TMCC1: variants seen among roughly 807,000 people sequenced by gnomAD.
TMCC1 encodes transmembrane and coiled-coil domain family 1.
In TMCC1, 15 loss-of-function variants were observed where a neutral mutation model predicts 52.4. The observed-to-expected ratio is 0.29, with a 90% CI of 0.19 to 0.44. The LOEUF (loss-of-function observed/expected upper bound fraction) is 0.44. TMCC1 is among the 20% of genes least tolerant of loss of function. The probability of loss-of-function intolerance (pLI) is 1.00; values close to 1 mark genes in which losing one functional copy is unlikely to be tolerated. For synonymous variants in TMCC1, 279 were observed against 301.9 expected, an observed-to-expected ratio of 0.92 and a Z score of 0.79; for missense variants, 503 against 806.0, an observed-to-expected ratio of 0.62 and a Z score of 4.55.
Position 129,786,547 on chromosome 3 carries a change from A to G in TMCC1, c.576+41256T>C, listed in dbSNP as rs887714272. Among the ~76,000 whole-genome samples, 5 of 152,114 alleles carry G rather than the reference A, an allele frequency of 3.3e-5. No homozygotes were observed. In the East Asian group the frequency reaches 7.7e-4, roughly 23 times the overall value. On this transcript the variant is annotated intron_variant, in intron 4 of 6. Coordinates refer to ENST00000393238, the MANE Select transcript of TMCC1 (RefSeq NM_001017395.5). ...ATCCTCTAGGTCCAGCTAAAATCCT[A>G]TTTCCTCTGTGGGACTTTTCAAGTC...
At chr3:129,750,070 T>C (rs545607841) in intron 4 of TMCC1, among the ~76,000 whole-genome samples, 4 of 152,354 alleles carry the variant, frequency 2.6e-5, no homozygotes, top group African/African-American at 9.6e-5. Flanking sequence ...TTCCAAATTA[T>C]AGTTTCATTC....
intron 4 of TMCC1, among the ~76,000 whole-genome samples, chr3:129,755,306 C>A (rs937869952): frequency 1.3e-5 from 2 of 151,692 alleles, no homozygotes; most frequent in Non-Finnish European, 2.9e-5. Flanking sequence ...ATGCAATATA[C>A]CCAAGTAATA....
chr3:129,774,018 T>C (rs1253675094), intron 4 of TMCC1, among the ~76,000 whole-genome samples: 3 of 152,240 alleles, frequency 2.0e-5, no homozygotes, highest in African/African-American at 7.2e-5. Flanking sequence ...TTAACTGTTT[T>C]CAGTTGTCAT....
At chr3:129,700,245 A>C (rs929952337) in intron 4 of TMCC1, among the ~76,000 whole-genome samples, 1 of 152,160 alleles carries the variant, frequency 6.6e-6, no homozygotes, top group Admixed American at 6.5e-5. Flanking sequence ...TAAAAAAAAA[A>C]TCTAATGTAT....
At chr3:129,871,879 G>A (rs913210493) in intron 2 of TMCC1, among the ~76,000 whole-genome samples, 4 of 152,180 alleles carry the variant, frequency 2.6e-5, no homozygotes, top group Non-Finnish European at 4.4e-5. Flanking sequence ...ATGCATGAGA[G>A]CAATGCAAAT....
At chr3:129,665,126 T>C (rs1208121854) in intron 5 of TMCC1, among the ~76,000 whole-genome samples, 1 of 152,214 alleles carries the variant, frequency 6.6e-6, no homozygotes, top group Non-Finnish European at 1.5e-5. Flanking sequence ...ATCTCACTCA[T>C]AGCTGAATGC....
At chr3:129,877,602 T>G (rs2107983859) in intron 2 of TMCC1, among the ~76,000 whole-genome samples, 1 of 151,870 alleles carries the variant, frequency 6.6e-6, no homozygotes, top group South Asian at 2.1e-4. Context: ...TAAACCCAAC[T>G]GTTTACTCAA....
chr3:129,876,062 G>A (rs2061192121), intron 2 of TMCC1, among the ~76,000 whole-genome samples: 1 of 149,348 alleles, frequency 6.7e-6, no homozygotes, highest in Non-Finnish European at 1.5e-5. Context: ...TTGAACCTGG[G>A]AGACGGGGTT....
In TMCC1 at chr3:129,787,302, G is replaced by A. The variant is rs915755856; in HGVS notation, c.576+40501C>T. ...CTATGAAATTTTTTTTATTATACAT[G>A]CTACCTTTGGGTTTAAGATGGATTC... On this transcript the variant is annotated intron_variant, in intron 4 of 6. Coordinates refer to ENST00000393238, the MANE Select transcript of TMCC1 (RefSeq NM_001017395.5). Among the ~76,000 whole-genome samples the A allele has an allele frequency of 9.2e-5, 14 of 152,170 alleles. 1 individual carries two copies. The highest frequency in any genetic ancestry group is 2.9e-5 in the Non-Finnish European group (2 of 67,992).
At chr3:129,770,364 A>C (rs2054460100) in intron 4 of TMCC1, among the ~76,000 whole-genome samples, 1 of 152,136 alleles carries the variant, frequency 6.6e-6, no homozygotes, top group Non-Finnish European at 1.5e-5. Flanking sequence ...AAAAATACAA[A>C]AATTAGCTGG....
intron 2 of TMCC1, among the ~76,000 whole-genome samples, chr3:129,854,118 G>T (rs1233812941): frequency 6.6e-6 from 1 of 152,050 alleles, no homozygotes; most frequent in Non-Finnish European, 1.5e-5. Context: ...AAGCACATCT[G>T]CTGGGTGTGG....
chr3:129,813,546 A>C (rs916491044), intron 4 of TMCC1, among the ~76,000 whole-genome samples: 7 of 152,198 alleles, frequency 4.6e-5, no homozygotes, highest in African/African-American at 1.4e-4. Flanking sequence ...TAACACAGGA[A>C]CAGAAAACCA....
chr3:129,679,096 T>C (rs1275497404), intron 4 of TMCC1, among the ~76,000 whole-genome samples: 1 of 152,166 alleles, frequency 6.6e-6, no homozygotes, highest in Non-Finnish European at 1.5e-5. Context: ...TAGTCATCCC[T>C]TTACTCCACT....
chr3:129,796,001 A>C (rs1173471170), intron 4 of TMCC1, among the ~76,000 whole-genome samples: 1 of 152,230 alleles, frequency 6.6e-6, no homozygotes, highest in Non-Finnish European at 1.5e-5. Flanking sequence ...TACTATGCCT[A>C]ATTTCTGAAT....
At chr3:129,737,236 G>A (rs1490043011) in intron 4 of TMCC1, among the ~76,000 whole-genome samples, 1 of 151,996 alleles carries the variant, frequency 6.6e-6, no homozygotes, top group Non-Finnish European at 1.5e-5. Flanking sequence ...GGAGGCTGAG[G>A]TGGGCGAATC....
chr3:129,875,698 T>A (rs1348024264), intron 2 of TMCC1, among the ~76,000 whole-genome samples: 2 of 152,134 alleles, frequency 1.3e-5, no homozygotes, highest in African/African-American at 4.8e-5. Context: ...AATACATATT[T>A]TTTTTAATAA....
chr3:129,838,495 C>A (rs556299621), intron 2 of TMCC1, among the ~76,000 whole-genome samples: 4 of 152,096 alleles, frequency 2.6e-5, no homozygotes, highest in African/African-American at 9.6e-5. Context: ...GTGGCTCATG[C>A]CTGTAATCCA....
chr3:129,709,440 T>C (rs937554874), intron 4 of TMCC1, among the ~76,000 whole-genome samples: 2 of 126,786 alleles, frequency 1.6e-5, no homozygotes, highest in African/African-American at 6.2e-5. Flanking sequence ...TGTGCCACTG[T>C]ACTCCAGCCT....
chr3:129,757,651 T>G (rs1186581843), intron 4 of TMCC1, among the ~76,000 whole-genome samples: 3 of 151,942 alleles, frequency 2.0e-5, no homozygotes, highest in Admixed American at 1.3e-4. Context: ...TGAAACCCCG[T>G]CTCTACTAAA....
Sources: allele counts gnomAD v4.1 joint callset (sites outside exome capture counted in the v4.1 genomes callset), GRCh38; gene constraint gnomAD v4.1.1; transcripts MANE v1.5; gene names NCBI Gene and HGNC (gene_info 2026-07-23, HGNC 2026-07-21).